Variants in CHRNA7 observed in about 807,000 individuals in gnomAD.
The protein encoded by CHRNA7 is cholinergic receptor nicotinic alpha 7 subunit.
Under a neutral mutation model 48.0 loss-of-function variants are expected in CHRNA7, and 17 were observed. The ratio of observed to expected loss-of-function variants is 0.35; its 90% confidence interval spans 0.24 to 0.53. The LOEUF is 0.53. Among genes scored for constraint, CHRNA7 ranks in the 20% least tolerant of loss-of-function variants. The pLI is 0.92. For missense variants in CHRNA7, 155 were observed against 577.7 expected (o/e 0.27, Z 7.50); for synonymous variants, 75 against 242.3 (o/e 0.31, Z 6.41).
chr15:32,148,851 A>G (rs2051551296), intron 4 of CHRNA7, among the ~76,000 whole-genome samples: 2 of 152,194 alleles, frequency 1.3e-5, no homozygotes, highest in South Asian at 4.1e-4. Context: ...TGATCCCACC[A>G]TGCCCTCCGC....
At chr15:32,146,017 G>T (rs938847091) in intron 4 of CHRNA7, among the ~76,000 whole-genome samples, 8 of 152,198 alleles carry the variant, frequency 5.3e-5, no homozygotes, top group South Asian at 4.1e-4. Context: ...TGGAGCTGCA[G>T]ACCAGAGCTG....
chr15:32,031,152 C>T (rs564494012), intron 2 of CHRNA7, 115 bp downstream of exon 2: 75 of 1,267,680 alleles, frequency 5.9e-5, no homozygotes, highest in Non-Finnish European at 7.9e-5. Flanking sequence ...CTAGTTGGCC[C>T]CAAGCTAGGC....
chr15:32,042,478 C>T (rs1312814413), intron 2 of CHRNA7, among the ~76,000 whole-genome samples: 1 of 152,156 alleles, frequency 6.6e-6, no homozygotes, highest in Non-Finnish European at 1.5e-5. Flanking sequence ...TCAGTATTTC[C>T]TGTGGGAACC....
chr15:32,132,144 T>G (rs1171790239), intron 4 of CHRNA7, among the ~76,000 whole-genome samples: 1 of 152,130 alleles, frequency 6.6e-6, no homozygotes, highest in East Asian at 1.9e-4. Context: ...AGCTTTTTCC[T>G]TTGGTGTTTC....
chr15:32,065,485 G>C (rs772709717), intron 2 of CHRNA7, among the ~76,000 whole-genome samples: 10 of 152,246 alleles, frequency 6.6e-5, no homozygotes, highest in African/African-American at 9.6e-5. Flanking sequence ...TAACCTTGGG[G>C]CTGCCTGAGG....
At chr15:32,132,150 G>A (rs747604012) in intron 4 of CHRNA7, among the ~76,000 whole-genome samples, 10 of 152,136 alleles carry the variant, frequency 6.6e-5, no homozygotes, top group East Asian at 1.9e-4. Flanking sequence ...TTCCTTTGGT[G>A]TTTCCCTGGG....
intron 4 of CHRNA7, among the ~76,000 whole-genome samples, chr15:32,114,037 TATATATGTATATATATATATATAC>T (rs1242453721): frequency 5.7e-5 from 4 of 69,708 alleles, no homozygotes; most frequent in African/African-American, 1.5e-4. Context: ...TATATATATA[TATATATGTATATATATATATATAC>T]ATATATATAT....
chr15:32,136,294 C>A (rs1006377438), intron 4 of CHRNA7, among the ~76,000 whole-genome samples: 2 of 152,004 alleles, frequency 1.3e-5, no homozygotes, highest in Non-Finnish European at 2.9e-5. Flanking sequence ...AGTTCGAGAC[C>A]AGCCTGGCCA....
intron 2 of CHRNA7, among the ~76,000 whole-genome samples, chr15:32,070,107 A>G (rs1280635143): frequency 1.3e-5 from 2 of 152,230 alleles, no homozygotes; most frequent in Non-Finnish European, 1.5e-5. Context: ...TACAAAAACT[A>G]TATAGTTTAA....
chr15:32,051,176 A>C (rs2049667406), intron 2 of CHRNA7, among the ~76,000 whole-genome samples: 2 of 150,996 alleles, frequency 1.3e-5, no homozygotes, highest in Non-Finnish European at 3.0e-5. Flanking sequence ...GCTCTCCTTA[A>C]AGCTGTCAGA....
intron 4 of CHRNA7, among the ~76,000 whole-genome samples, chr15:32,114,062 A>ATGTG (rs2050820245): frequency 1.6e-4 from 1 of 6,386 alleles, no homozygotes; most frequent in African/African-American, 1.7e-4. Context: ...ATATATATAC[A>ATGTG]TATATATATA....
intron 2 of CHRNA7, among the ~76,000 whole-genome samples, chr15:32,080,407 T>C (rs1361967863): frequency 6.6e-6 from 1 of 151,598 alleles, no homozygotes; most frequent in African/African-American, 2.4e-5. Context: ...CTGACAAAGG[T>C]CTAATATCCA....
chr15:32,048,573 A>T (rs1369639665), intron 2 of CHRNA7, among the ~76,000 whole-genome samples: 1 of 151,506 alleles, frequency 6.6e-6, no homozygotes, highest in Admixed American at 6.6e-5. Flanking sequence ...TTTCTTTATT[A>T]GTCTTGCTAG....
intron 4 of CHRNA7, among the ~76,000 whole-genome samples, chr15:32,148,960 G>A (rs373204447): frequency 3.9e-5 from 6 of 152,288 alleles, no homozygotes; most frequent in Admixed American, 6.5e-5. Context: ...CTAAGGACAC[G>A]TAGCTTGCGT....
chr15:32,109,407 T>C (rs10438341), intron 3 of CHRNA7, among the ~76,000 whole-genome samples: 46,344 of 152,084 alleles, frequency 0.3, 7,366 homozygotes, highest in Middle Eastern at 0.43. Context: ...TTGTGCCAAC[T>C]TCCTGTCTCA....
intron 2 of CHRNA7, among the ~76,000 whole-genome samples, chr15:32,075,750 T>G (rs1347794565): frequency 6.6e-6 from 1 of 151,956 alleles, no homozygotes; most frequent in Non-Finnish European, 1.5e-5. Context: ...TGGGAAATTT[T>G]TTTTTCTCTT....
At chr15:32,044,212 A>G (rs2049497193) in intron 2 of CHRNA7, among the ~76,000 whole-genome samples, 1 of 151,490 alleles carries the variant, frequency 6.6e-6, no homozygotes, top group African/African-American at 2.4e-5. Context: ...GGTTTCATTC[A>G]CAAGTTTTGG....
intron 4 of CHRNA7, among the ~76,000 whole-genome samples, chr15:32,113,155 C>T (rs1172805300): frequency 6.6e-6 from 1 of 152,080 alleles, no homozygotes; most frequent in African/African-American, 2.4e-5. Context: ...TTGTGGAGGC[C>T]AGAAGTCTGA....
At chr15:32,141,054 T>A (rs555669318) in intron 4 of CHRNA7, among the ~76,000 whole-genome samples, 2 of 152,226 alleles carry the variant, frequency 1.3e-5, no homozygotes, top group South Asian at 4.1e-4. Flanking sequence ...TATGGTTTTA[T>A]GTCTTAGGTT....
Sources: gnomAD v4.1 joint callset for allele counts (sites outside exome capture counted in the v4.1 genomes callset) on GRCh38, gnomAD v4.1.1 for gene constraint, MANE v1.5 for transcripts, NCBI Gene and HGNC (gene_info 2026-07-23, HGNC 2026-07-21) for gene names.